The following ECM1 variants were observed in gnomAD, a reference collection of about 807,000 sequenced individuals.
The protein encoded by ECM1 is extracellular matrix protein 1.
ECM1 carries 54 observed loss-of-function variants against 57.9 expected under a neutral mutation model. The observed-to-expected ratio is 0.93, with a 90% CI of 0.75 to 1.17. ECM1 has a LOEUF of 1.17. Among genes scored for constraint, ECM1 ranks in the 50% most tolerant of loss-of-function variants. The pLI, the probability that ECM1 is intolerant of heterozygous loss-of-function variation, is 0.00. For synonymous variants in ECM1, 237 were observed against 259.1 expected (o/e 0.91, Z 0.82); for missense variants, 649 against 688.1 (o/e 0.94, Z 0.64).
Position 150,512,342 on chromosome 1 carries a change from T to A in ECM1, c.1084-10T>A. On this transcript the variant is annotated splice_polypyrimidine_tract_variant and intron_variant, in intron 7 of 9. Coordinates refer to ENST00000369047, the MANE Select transcript of ECM1 (RefSeq NM_004425.4). Reference sequence around the variant, plus strand: ...GTCCAGCTTCTGACTTCCCTCTCTCTGGTCCACAGTGGGAGGATACCCTTG... The same window carrying A: ...GTCCAGCTTCTGACTTCCCTCTCTCAGGTCCACAGTGGGAGGATACCCTTG... 1 of 1,612,710 alleles carries A rather than the reference T, an allele frequency of 6.2e-7. No homozygotes were observed. Among genetic ancestry groups the A allele is most frequent in the Non-Finnish European group, 8.5e-7 (1 of 1,179,728 alleles).
rs771623652 is a variant in ECM1, at chr1:150,511,743, A to G, written c.995A>G (p.Gln332Arg). The G allele has an allele frequency of 8.9e-5, 143 of 1,613,810 alleles. No homozygotes were observed. Among genetic ancestry groups the G allele is most frequent in the Non-Finnish European group, 1.1e-4 (134 of 1,179,962 alleles). The stretch of plus-strand genomic sequence containing the variant: ...AACCTGCCAGCTACTGACCCCCTAC[A>G]AAGGGAGCTGCTGGCACTGATCCAG... ...PRNLPATDPLQRELLALIQLE... is the reference protein window; with the variant it reads ...PRNLPATDPLRRELLALIQLE... Residue 332 changes from glutamine to arginine, a missense_variant, in exon 7 of 10, where the codon CAA becomes CGA. By Grantham distance (43) the Gln-to-Arg change is conservative (BLOSUM62 1). Coordinates refer to ENST00000369047, the MANE Select transcript of ECM1 (RefSeq NM_004425.4).
chr1:150,511,197 T>C lies in ECM1; in HGVS notation c.707T>C (p.Val236Ala). 6.2e-7 allele frequency: 1 copy of C among 1,614,040 alleles called. No homozygotes were observed. Among genetic ancestry groups the C allele is most frequent in the Non-Finnish European group, 8.5e-7 (1 of 1,180,000 alleles). Reference protein sequence around the residue: ...HTNRLECAKLVWEEAMSRFCE... With the variant: ...HTNRLECAKLAWEEAMSRFCE... ...AACCGCCTAGAGTGTGCCAAACTTG[T>C]GGTAAGGTTGGGTTCTTGATGCCGG... The change falls in exon 6 of 10, where the codon GTG becomes GCG. Residue 236 changes from valine (V) to alanine (A), a missense_variant and splice_region_variant. Physicochemically the swap from Val to Ala is moderately conservative, Grantham distance 64. Coordinates refer to ENST00000369047, the MANE Select transcript of ECM1 (RefSeq NM_004425.4).
Position 150,509,939 on chromosome 1 carries a change from C to G in ECM1, c.241C>G (p.Gln81Glu), listed in dbSNP as rs1445383403. ...TTCTATAGTGCAGCCCCCTCCCTCT[C>G]AGGAGGCCACCCCTCTCCAACAGGA... Reference protein sequence around the residue: ...GQSQVQPPPSQEATPLQQEKL... With the variant: ...GQSQVQPPPSEEATPLQQEKL... The change falls in exon 4 of 10, where the codon CAG (glutamine) becomes GAG (glutamate). Residue 81 changes from glutamine (Q) to glutamate (E), a missense_variant. Gln to Glu is a conservative substitution (Grantham distance 29). Transcript: ENST00000369047. The G allele has an allele frequency of 1.2e-6, 2 of 1,614,072 alleles. No homozygotes were observed. The highest frequency in any genetic ancestry group is 1.7e-6 in the Non-Finnish European group (2 of 1,180,018).
intron 7 of ECM1, 95 bp downstream of exon 7, chr1:150,511,926 C>A: frequency 2.7e-6 from 3 of 1,131,652 alleles, no homozygotes; most frequent in Admixed American, 2.7e-5. Flanking sequence ...TGTACCCCCC[C>A]TGCTGTGAGT....
Position 150,513,690 on chromosome 1 carries a change from C to T in ECM1, c.*223C>T. On this transcript the variant is annotated 3_prime_UTR_variant, in exon 10 of 10. Coordinates refer to ENST00000369047, the MANE Select transcript of ECM1 (RefSeq NM_004425.4). ...CACCCTCCTAAGCCTGCTTGTATTT[C>T]CTTCAGTGCCTGGCCCCTGAGGCCC... 1.9e-6 allele frequency: 1 copy of T among 516,540 alleles called. No individual in the cohort carries two copies. The allele number at this position is 516,540 out of a possible 1,614,324, so 32.0% of individuals were successfully genotyped here.
rs760613748 is a variant in ECM1, at chr1:150,509,680, C to G, written c.141C>G (p.Pro47=). ...HFQEVGYAAP[P]SPPLSRSLPM... ...TTCTAGTTGGCTACGCAGCTCCCCCCTCCCCACCCCTATCCCGAAGCCTCC... is the reference window on the plus strand; with the variant it reads ...TTCTAGTTGGCTACGCAGCTCCCCCGTCCCCACCCCTATCCCGAAGCCTCC... The change falls in exon 3 of 10, where the codon CCC becomes CCG. Residue 47 remains proline (P), a synonymous_variant. Transcript: ENST00000369047. The G allele has an allele frequency of 6.6e-5, 106 of 1,613,130 alleles. No homozygotes were observed. Among genetic ancestry groups the G allele is most frequent in the Non-Finnish European group, 8.5e-5 (100 of 1,179,272 alleles).
Position 150,508,219 on chromosome 1 carries a change from A to AC in ECM1, c.11dup (p.Ala5SerfsTer18), listed in dbSNP as rs755805445. The AC allele has an allele frequency of 3.1e-5, 50 of 1,614,036 alleles. No individual in the cohort carries two copies. The highest frequency in any genetic ancestry group is 3.6e-5 in the Non-Finnish European group (43 of 1,180,052). On this transcript the variant is annotated frameshift_variant, in exon 1 of 10. Coordinates refer to ENST00000369047, the MANE Select transcript of ECM1 (RefSeq NM_004425.4). LOFTEE classifies it high-confidence loss of function. ...GGTCAGTTGCCCCAGGATGGGGACC[A>AC]CAGCCAGAGCAGCCTTGGTCTTGAC...
Position 150,513,279 on chromosome 1 carries a change from A to G in ECM1, c.1435A>G (p.Ile479Val), listed in dbSNP as rs776712147. ...INDLCGPRRN[I>V]WRDPALCCYL... is the part of the protein sequence containing the mutation. ...TGATCTGTGTGGTCCCCGACGTAAC[A>G]TCTGGCGAGACCCTGCCCTCTGCTG... Residue 479 changes from isoleucine (I) to valine (V), a missense_variant, in exon 10 of 10, where the codon ATC becomes GTC. Physicochemically the swap from Ile to Val is conservative, Grantham distance 29. Transcript: ENST00000369047. The G allele has an allele frequency of 2.5e-6, 4 of 1,614,246 alleles. No individual in the cohort carries two copies. The highest frequency in any genetic ancestry group is 1.1e-5 in the South Asian group (1 of 91,088).
intron 9 of ECM1, 79 bp from the exon 10 acceptor site, chr1:150,513,158 C>A (rs1324911315): frequency 6.8e-6 from 10 of 1,472,210 alleles, no homozygotes; most frequent in Non-Finnish European, 8.5e-6. Context: ...GAAAGGGGGA[C>A]TTTGGCACCC....
intron 7 of ECM1, 134 bp from the exon 8 acceptor site, chr1:150,512,218 T>G: frequency 1.0e-6 from 1 of 998,754 alleles, no homozygotes; most frequent in Non-Finnish European, 1.5e-6. Context: ...AACCCTCTAC[T>G]TTTTTGCCAT....
chr1:150,509,465 C>A, intron 1 of ECM1, 66 bp from the exon 2 acceptor site: 1 of 1,570,506 alleles, frequency 6.4e-7, no homozygotes, highest in Non-Finnish European at 8.8e-7. Flanking sequence ...CACAGCCTCC[C>A]CATCCCTTGC....
intron 5 of ECM1, chr1:150,510,641 G>A (rs947624580): frequency 3.3e-6 from 2 of 612,978 alleles, no homozygotes; most frequent in Non-Finnish European, 5.8e-6. Flanking sequence ...GGAAGCCCGA[G>A]CCTTGAGAAG....
chr1:150,511,828 G>A lies in ECM1; in HGVS notation c.1080G>A (p.Lys360=), dbSNP rs1457134104. Residue 360 remains lysine, a synonymous_variant, in exon 7 of 10, where the codon AAG becomes AAA. Transcript: ENST00000369047. Reference sequence around the variant, plus strand: ...GGAACAATCACACCTGTACATGGAAGGCCGTAAGTGGGCGTCCCAGCCTCC... The same window carrying A: ...GGAACAATCACACCTGTACATGGAAAGCCGTAAGTGGGCGTCCCAGCCTCC... ...RQGNNHTCTW[K]AWEDTLDKYC... The A allele has an allele frequency of 1.9e-6, 3 of 1,599,816 alleles. No homozygotes were observed. In the South Asian group the frequency reaches 3.3e-5, roughly 18 times the overall value.
intron 1 of ECM1, 128 bp from the exon 2 acceptor site, chr1:150,509,403 A>T: frequency 1.0e-6 from 1 of 977,450 alleles, no homozygotes; most frequent in Non-Finnish European, 1.6e-6. Context: ...GGGGCAGGTG[A>T]ATACAGAGGG....
At position 150,513,722 on chromosome 1, in the gene ECM1, C is replaced by T. The variant is rs1231171422; in HGVS notation, c.*255C>T. 3 of 452,858 alleles carry T rather than the reference C, an allele frequency of 6.6e-6. No individual in the cohort carries two copies. Among genetic ancestry groups the T allele is most frequent in the Non-Finnish European group, 1.2e-5 (3 of 246,474 alleles). The allele number at this position is 452,858 out of a possible 1,614,324, so 28.1% of individuals were successfully genotyped here. A position where few individuals can be genotyped will look rare whatever the true frequency, so the allele number is the denominator to read the frequency against. On this transcript the variant is annotated 3_prime_UTR_variant, in exon 10 of 10. Coordinates refer to ENST00000369047, the MANE Select transcript of ECM1 (RefSeq NM_004425.4). Reference sequence around the variant, plus strand: ...TGCCTGGCCCCTGAGGCCCACGGCCCTGCCCCCTTCACTGAGCAGATGTTC... The same window carrying T: ...TGCCTGGCCCCTGAGGCCCACGGCCTTGCCCCCTTCACTGAGCAGATGTTC...
rs761784888 is a variant in ECM1, at chr1:150,512,833, C to T, written c.1392+21C>T. The T allele has an allele frequency of 9.9e-6, 16 of 1,612,540 alleles. No homozygotes were observed. In the East Asian group the frequency reaches 3.6e-4, roughly 36 times the overall value. Reference sequence around the variant, plus strand: ...AGGAGGTGAGTGTGTGGAGTCTAGTCTCCAGAGGAATGCAGGGGAGGGGAG... The same window carrying T: ...AGGAGGTGAGTGTGTGGAGTCTAGTTTCCAGAGGAATGCAGGGGAGGGGAG... On this transcript the variant is annotated intron_variant, in intron 9 of 9. Coordinates refer to ENST00000369047, the MANE Select transcript of ECM1 (RefSeq NM_004425.4).
intron 1 of ECM1, among the ~76,000 whole-genome samples, chr1:150,509,062 A>G (rs1024388996): frequency 3.3e-5 from 5 of 152,154 alleles, no homozygotes; most frequent in Admixed American, 6.5e-5. Flanking sequence ...AAGCCTCCTT[A>G]ACCAAAGGCC....
chr1:150,513,694 C>A lies in ECM1; in HGVS notation c.*227C>A. On this transcript the variant is annotated 3_prime_UTR_variant, in exon 10 of 10. Transcript: ENST00000369047. ...CTCCTAAGCCTGCTTGTATTTCCTT[C>A]AGTGCCTGGCCCCTGAGGCCCACGG... The A allele has an allele frequency of 2.0e-6, 1 of 510,426 alleles. No homozygotes were observed. The highest frequency in any genetic ancestry group is 3.6e-6 in the Non-Finnish European group (1 of 281,538). The allele number at this position is 510,426 out of a possible 1,614,324, so 31.6% of individuals were successfully genotyped here.
intron 6 of ECM1, 128 bp from the exon 7 acceptor site, chr1:150,511,329 C>A (rs777644664): frequency 5.7e-6 from 9 of 1,589,776 alleles, no homozygotes; most frequent in Non-Finnish European, 6.0e-6. Flanking sequence ...CCTGGGCCTC[C>A]CCAATGTGCC....
Sources: gnomAD v4.1 joint callset for allele counts (sites outside exome capture counted in the v4.1 genomes callset) on GRCh38, gnomAD v4.1.1 for gene constraint, MANE v1.5 for transcripts, NCBI Gene and HGNC (gene_info 2026-07-23, HGNC 2026-07-21) for gene names.